SCRN3: variants seen among roughly 807,000 people sequenced by gnomAD.
SCRN3 encodes secernin-3.
SCRN3 carries 39 observed loss-of-function variants against 43.1 expected under a neutral mutation model. That is an observed-to-expected ratio of 0.91 (90% confidence interval 0.70 to 1.18). SCRN3 has a LOEUF of 1.18. Ranked by LOEUF, SCRN3 falls within the 50% of genes most tolerant of loss-of-function variation. The pLI, the probability that SCRN3 is intolerant of heterozygous loss-of-function variation, is 0.00. For synonymous variants in SCRN3, 147 were observed against 163.1 expected, an observed-to-expected ratio of 0.90 and a Z score of 0.75; for missense variants, 484 against 498.0, an observed-to-expected ratio of 0.97 and a Z score of 0.27.
intron 1 of SCRN3, chr2:174,396,125 C>A (rs1026777592): frequency 2.1e-6 from 2 of 959,808 alleles, no homozygotes; most frequent in African/African-American, 1.7e-5. Flanking sequence ...GAGAATCCAA[C>A]AATATGATGT....
chr2:174,413,559 C>G (rs1574660585), intron 5 of SCRN3, among the ~76,000 whole-genome samples: 1 of 150,824 alleles, frequency 6.6e-6, no homozygotes, highest in East Asian at 2.0e-4. Flanking sequence ...GGGATTGCCC[C>G]CTCACTTTTC....
rs1485083717 is a variant in SCRN3 at position 174,401,197 on chromosome 2, C to A, written c.541+8C>A. 6.2e-7 allele frequency: 1 copy of A among 1,610,372 alleles called. No homozygotes were observed. The highest frequency in any genetic ancestry group is 1.7e-5 in the Admixed American group (1 of 59,834). On this transcript the variant is annotated splice_region_variant and intron_variant, in intron 4 of 7. Coordinates refer to ENST00000272732, the MANE Select transcript of SCRN3 (RefSeq NM_024583.5). ...CAGCAGAAAAAGTACAAGGTATGGA[C>A]AACTTTTTGTGATTTAACTTGTTTT...
chr2:174,420,385 TA>T (rs1686256847), intron 5 of SCRN3, among the ~76,000 whole-genome samples: 1 of 152,176 alleles, frequency 6.6e-6, no homozygotes, highest in Admixed American at 6.5e-5. Flanking sequence ...AAAAGAATAT[TA>T]AATGCTCTGC....
At chr2:174,413,586 C>CTTTT (rs10524979) in intron 5 of SCRN3, among the ~76,000 whole-genome samples, 13 of 90,220 alleles carry the variant, frequency 1.4e-4, no homozygotes, top group African/African-American at 3.0e-4. Flanking sequence ...TTTGTCTTTC[C>CTTTT]TTTTTTTTTT....
chr2:174,415,385 G>C (rs1363191071), intron 5 of SCRN3, among the ~76,000 whole-genome samples: 1 of 152,004 alleles, frequency 6.6e-6, no homozygotes, highest in African/African-American at 2.4e-5. Flanking sequence ...AGTGAAATTA[G>C]ATATATTCTT....
In SCRN3 at chr2:174,429,306, C is replaced by T. The variant is rs1218628297; in HGVS notation, c.*1411C>T. The stretch of plus-strand genomic sequence containing the variant: ...ACCTTCTCCTTTGCTGCCACCTTGG[C>T]CTAAACTAGCACCGTCTTTTAGCTA... On this transcript the variant is annotated 3_prime_UTR_variant, in exon 8 of 8. Transcript: ENST00000272732. The T allele has an allele frequency of 6.6e-6, 1 of 152,172 alleles. No homozygotes were observed. Among genetic ancestry groups the T allele is most frequent in the African/African-American group, 2.4e-5 (1 of 41,446 alleles). 9.4% of individuals were successfully genotyped at this position (152,172 alleles called of 1,614,324 possible).
chr2:174,398,227 A>G (rs1685388080), intron 1 of SCRN3, 48 bp from the exon 2 acceptor site: 4 of 1,152,414 alleles, frequency 3.5e-6, no homozygotes, highest in East Asian at 5.6e-5. Flanking sequence ...TTATTTTTAT[A>G]TACTTAAAAG....
intron 5 of SCRN3, among the ~76,000 whole-genome samples, chr2:174,415,686 T>C (rs183086409): frequency 1.3e-5 from 2 of 152,256 alleles, no homozygotes; most frequent in East Asian, 1.9e-4. Flanking sequence ...GATCCAATAC[T>C]CAGGCTGGAG....
chr2:174,420,167 G>C (rs1392801269), intron 5 of SCRN3, among the ~76,000 whole-genome samples: 1 of 66,970 alleles, frequency 1.5e-5, no homozygotes, highest in Non-Finnish European at 3.5e-5. Context: ...TAAAAGCTAA[G>C]CAGAGATTTT....
chr2:174,398,663 A>G (rs1405358705), intron 2 of SCRN3, among the ~76,000 whole-genome samples: 1 of 152,220 alleles, frequency 6.6e-6, no homozygotes, highest in Non-Finnish European at 1.5e-5. Context: ...AAATATTTGA[A>G]TGCTTTCCAT....
chr2:174,413,027 C>A (rs2105598585), intron 5 of SCRN3, among the ~76,000 whole-genome samples: 1 of 152,074 alleles, frequency 6.6e-6, no homozygotes, highest in East Asian at 1.9e-4. Flanking sequence ...TGCCACCACA[C>A]CCGGCTAATT....
At chr2:174,397,220 A>C in intron 1 of SCRN3, 1 of 967,368 alleles carries the variant, frequency 1.0e-6, no homozygotes, top group Non-Finnish European at 1.2e-6. Context: ...AACATTTATT[A>C]TATTTAAATT....
rs1191717790 is a variant in SCRN3, at chr2:174,422,481, C to T, written c.755-404C>T. 2.0e-5 allele frequency among the ~76,000 whole-genome samples: 3 copies of T among 150,256 alleles called. No homozygotes were observed. In the East Asian group the frequency reaches 5.9e-4, roughly 29 times the overall value. On this transcript the variant is annotated intron_variant, in intron 5 of 7. Coordinates refer to ENST00000272732, the MANE Select transcript of SCRN3 (RefSeq NM_024583.5). ...CCCAGCTACTTGGGAGGCTGAGGCA[C>T]GAGAATCACTTGAACCCAGGAGACA...
At chr2:174,396,162 G>A in intron 1 of SCRN3, 1 of 839,456 alleles carries the variant, frequency 1.2e-6, no homozygotes, top group Non-Finnish European at 1.5e-6. Context: ...TGAACTAAGA[G>A]CGCGTGAAAT....
At chr2:174,412,979 C>T (rs761006169) in intron 5 of SCRN3, among the ~76,000 whole-genome samples, 15 of 149,948 alleles carry the variant, frequency 1.0e-4, no homozygotes, top group Non-Finnish European at 1.8e-4. Flanking sequence ...AGCGATTCTC[C>T]TGCCTCAGAC....
intron 7 of SCRN3, among the ~76,000 whole-genome samples, chr2:174,425,981 T>C (rs921924657): frequency 2.6e-5 from 4 of 152,190 alleles, no homozygotes; most frequent in Non-Finnish European, 5.9e-5. Flanking sequence ...AGGCTATTTT[T>C]CCATTGATTT....
Position 174,427,859 on chromosome 2 carries a change from T to G in SCRN3, c.1239T>G (p.Ile413Met). The change falls in exon 8 of 8, where the codon ATT becomes ATG. Residue 413 changes from isoleucine to methionine, a missense_variant. By Grantham distance (10) the Ile-to-Met change is conservative (BLOSUM62 1). Transcript: ENST00000272732. ...FPQCTKDEIQIYQSNLSVKVS... is the reference protein window; with the variant it reads ...FPQCTKDEIQMYQSNLSVKVS... ...AGTGTACAAAAGATGAAATTCAAAT[T>G]TATCAGTCAAATTTATCAGTCAAAG... 1.3e-6 allele frequency: 1 copy of G among 798,880 alleles called. No individual in the cohort carries two copies. Among genetic ancestry groups the G allele is most frequent in the Non-Finnish European group, 1.8e-6 (1 of 550,182 alleles). The allele number at this position is 798,880 out of a possible 1,614,324, so 49.5% of individuals were successfully genotyped here.
intron 5 of SCRN3, among the ~76,000 whole-genome samples, chr2:174,407,615 C>G (rs1685742574): frequency 9.7e-6 from 1 of 102,754 alleles, no homozygotes; most frequent in African/African-American, 4.0e-5. Context: ...AAATTTCCCT[C>G]TACACACTGC....
intron 2 of SCRN3, among the ~76,000 whole-genome samples, chr2:174,398,838 C>T (rs1037468114): frequency 9.9e-5 from 15 of 152,034 alleles, no homozygotes; most frequent in Non-Finnish European, 1.6e-4. Flanking sequence ...GCTGTGGCAG[C>T]GGAAGAGAAT....
Sources: allele counts gnomAD v4.1 joint callset (sites outside exome capture counted in the v4.1 genomes callset), GRCh38; gene constraint gnomAD v4.1.1; transcripts MANE v1.5; gene names NCBI Gene and HGNC (gene_info 2026-07-23, HGNC 2026-07-21).